RPS15A: variants seen among roughly 807,000 people sequenced by gnomAD.
The protein encoded by RPS15A is small ribosomal subunit protein uS8.
For missense variants in RPS15A, 62 were observed against 163.4 expected (o/e 0.38, Z 3.38); for synonymous variants, 55 against 58.5 (o/e 0.94, Z 0.27).
chr16:18,785,017 G>A lies in RPS15A; in HGVS notation c.214-194C>T, dbSNP rs958551282. On this transcript the variant is annotated intron_variant, in intron 3 of 4. Transcript: ENST00000322989. ...ACCTAAGTAAGACTACGCCTGCCTA[G>A]GAGAAAAAGCAAAGGCATGCAAAGA... The A allele has an allele frequency of 5.8e-6, 3 of 516,244 alleles. No individual in the cohort carries two copies. In the South Asian group the frequency reaches 8.1e-5, roughly 14 times the overall value. The allele number at this position is 516,244 out of a possible 1,614,324, so 32.0% of individuals were successfully genotyped here. A position where few individuals can be genotyped will look rare whatever the true frequency, so the allele number is the denominator to read the frequency against.
rs1300824571 is a variant in RPS15A at position 18,782,293 on chromosome 16, T to TTTTA, written c.*715_*716insTAAA. The TTTTA allele has an allele frequency of 2.3e-5, 2 of 87,938 alleles. No individual in the cohort carries two copies. The highest frequency in any genetic ancestry group is 8.4e-5 in the African/African-American group (2 of 23,840). The allele number at this position is 87,938 out of a possible 1,614,324, so 5.4% of individuals were successfully genotyped here. A position where few individuals can be genotyped will look rare whatever the true frequency, so the allele number is the denominator to read the frequency against. ...CCTGTGTGACAGAGCGACTTTGTCT[T>TTTTA]AAAAAAAAAAAAAAAAAAAAAAAAA... On this transcript the variant is annotated 3_prime_UTR_variant, in exon 5 of 5. Coordinates refer to ENST00000322989, the MANE Select transcript of RPS15A (RefSeq NM_001019.5).
At chr16:18,783,257 G>GGCA in intron 4 of RPS15A, 155 bp from the exon 5 acceptor site, 1 of 586,060 alleles carries the variant, frequency 1.7e-6, no homozygotes, top group Non-Finnish European at 3.0e-6. Flanking sequence ...GCCTCATGTA[G>GGCA]CGTATGAGCC....
intron 3 of RPS15A, chr16:18,786,533 T>G (rs1904053593): frequency 6.5e-6 from 1 of 152,920 alleles, no homozygotes; most frequent in African/African-American, 2.4e-5. Flanking sequence ...ATCCCAGCAC[T>G]CTGGGAGGCT....
In RPS15A at chr16:18,781,424, T is replaced by C. The variant is rs1346292763; in HGVS notation, c.*1585A>G. On this transcript the variant is annotated 3_prime_UTR_variant, in exon 5 of 5. Transcript: ENST00000322989. ...TGCAGGCTAGGGACCAGAGACACGA[T>C]GGTTAAACAAGCCAGAGCCCTGTGA... 1.3e-5 allele frequency: 2 copies of C among 151,470 alleles called. No individual in the cohort carries two copies. Among genetic ancestry groups the C allele is most frequent in the African/African-American group, 4.9e-5 (2 of 41,230 alleles). 9.4% of individuals were successfully genotyped at this position (151,470 alleles called of 1,614,324 possible).
intron 2 of RPS15A, chr16:18,788,583 G>A (rs1402818204): frequency 5.4e-6 from 1 of 186,710 alleles, no homozygotes; most frequent in Non-Finnish European, 1.1e-5. Flanking sequence ...CCACCTGCTG[G>A]GTTCAAACAA....
At chr16:18,788,757 T>A in intron 2 of RPS15A, 1 of 487,114 alleles carries the variant, frequency 2.1e-6, no homozygotes, top group South Asian at 3.8e-5. Flanking sequence ...TGACTTAGAT[T>A]CATTTAGCTC....
intron 2 of RPS15A, 46 bp from the exon 3 acceptor site, chr16:18,788,188 G>T (rs1226535123): frequency 8.4e-7 from 1 of 1,196,318 alleles, no homozygotes. Context: ...ATCAACTTGA[G>T]AGCTAAACCT....
At chr16:18,784,526 G>T (rs552230383) in intron 4 of RPS15A, 3 of 490,224 alleles carry the variant, frequency 6.1e-6, no homozygotes, top group Non-Finnish European at 1.1e-5. Flanking sequence ...GATCACAGGC[G>T]TGAGCCACTG....
chr16:18,784,965 A>C, intron 3 of RPS15A, 142 bp from the exon 4 acceptor site: 2 of 604,902 alleles, frequency 3.3e-6, no homozygotes, highest in Non-Finnish European at 5.7e-6. Flanking sequence ...TCTGTGCACA[A>C]TGCTTGACAT....
chr16:18,783,901 C>T (rs1281576614), intron 4 of RPS15A: 3 of 347,276 alleles, frequency 8.6e-6, no homozygotes, highest in Non-Finnish European at 1.7e-5. Context: ...CTTTTAAGGA[C>T]AAAGACTCCC....
intron 3 of RPS15A, among the ~76,000 whole-genome samples, chr16:18,787,764 C>G (rs913053507): frequency 3.9e-5 from 6 of 152,178 alleles, no homozygotes; most frequent in African/African-American, 1.2e-4. Context: ...CACCCAAGTT[C>G]AAGCCAGTGA....
At chr16:18,787,010 G>C (rs370582174) in intron 3 of RPS15A, among the ~76,000 whole-genome samples, 2 of 152,070 alleles carry the variant, frequency 1.3e-5, no homozygotes, top group African/African-American at 4.8e-5. Context: ...GATTACAAGC[G>C]CCCGCCACTG....
chr16:18,783,127 T>C (rs1903990836), intron 4 of RPS15A, 25 bp from the exon 5 acceptor site: 2 of 1,507,086 alleles, frequency 1.3e-6, no homozygotes, highest in Admixed American at 1.7e-5. Context: ...AAGAAAGTGC[T>C]GGTAAGTTTA....
Position 18,787,900 on chromosome 16 carries a change from G to C in RPS15A, c.213+163C>G. 10 of 620,920 alleles carry C rather than the reference G, an allele frequency of 1.6e-5. No individual in the cohort carries two copies. In the South Asian group the frequency reaches 1.9e-4, roughly 12 times the overall value. 38.5% of individuals were successfully genotyped at this position (620,920 alleles called of 1,614,324 possible). A position where few individuals can be genotyped will look rare whatever the true frequency, so the allele number is the denominator to read the frequency against. On this transcript the variant is annotated intron_variant, in intron 3 of 4. Transcript: ENST00000322989. ...CATAATCCTAGCACAATCAACCCAG[G>C]AGAGCAAATGAAGTTCCATGTGTCA...
At position 18,789,626 on chromosome 16, in the gene RPS15A, A is replaced by C. The variant is rs76199053; in HGVS notation, c.-5-508T>G. Among the ~76,000 whole-genome samples, 436 of 152,346 alleles carry C rather than the reference A, an allele frequency of 2.9e-3. 1 individual carries two copies. Among genetic ancestry groups the C allele is most frequent in the African/African-American group, 0.01 (419 of 41,578 alleles). On this transcript the variant is annotated intron_variant, in intron 1 of 4. Transcript: ENST00000322989. The stretch of plus-strand genomic sequence containing the variant: ...CCTACAATGAACACATCTAACTATT[A>C]AACATCCATCTTCGTGCCATTTAAA...
intron 3 of RPS15A, among the ~76,000 whole-genome samples, chr16:18,787,378 C>A (rs544418338): frequency 6.6e-6 from 1 of 152,272 alleles, no homozygotes; most frequent in East Asian, 1.9e-4. Flanking sequence ...CAGGCTGCTA[C>A]AAGTCTAAAA....
intron 3 of RPS15A, among the ~76,000 whole-genome samples, chr16:18,787,116 G>C (rs2029900550): frequency 6.6e-6 from 1 of 152,196 alleles, no homozygotes; most frequent in Admixed American, 6.5e-5. Flanking sequence ...GCCTGCCTCA[G>C]CCTCCCAAAG....
At chr16:18,789,331 C>A (rs1452047357) in intron 1 of RPS15A, among the ~76,000 whole-genome samples, 1 of 152,230 alleles carries the variant, frequency 6.6e-6, no homozygotes, top group East Asian at 1.9e-4. Context: ...TCAGCCTGCA[C>A]ATTTTGAAAC....
chr16:18,782,408 T>C lies in RPS15A; in HGVS notation c.*601A>G, dbSNP rs1903978868. 6.7e-6 allele frequency: 1 copy of C among 149,986 alleles called. No homozygotes were observed. Among genetic ancestry groups the C allele is most frequent in the Non-Finnish European group, 1.5e-5 (1 of 67,578 alleles). 9.3% of individuals were successfully genotyped at this position (149,986 alleles called of 1,614,324 possible). A position where few individuals can be genotyped will look rare whatever the true frequency, so the allele number is the denominator to read the frequency against. On this transcript the variant is annotated 3_prime_UTR_variant, in exon 5 of 5. Transcript: ENST00000322989. ...ATAATCCTAGCCAGGCAAAACAAATTCATCAAAAACTAATAGAAAATACTG... is the reference window on the plus strand; with the variant it reads ...ATAATCCTAGCCAGGCAAAACAAATCCATCAAAAACTAATAGAAAATACTG...
Sources: gnomAD v4.1 joint callset for allele counts (sites outside exome capture counted in the v4.1 genomes callset) on GRCh38, gnomAD v4.1.1 for gene constraint, MANE v1.5 for transcripts, NCBI Gene and HGNC (gene_info 2026-07-23, HGNC 2026-07-21) for gene names.